TFIP11: variants seen among roughly 807,000 people sequenced by gnomAD.
TFIP11 encodes the protein tuftelin-interacting protein 11.
A neutral mutation model predicts 96.8 loss-of-function variants in TFIP11; 86 were observed. The ratio of observed to expected loss-of-function variants is 0.89; its 90% confidence interval spans 0.75 to 1.06. TFIP11 has a LOEUF of 1.06. Among genes scored for constraint, TFIP11 ranks in the 50% least tolerant of loss-of-function variants. TFIP11 has a pLI of 0.00. For synonymous variants in TFIP11, 405 were observed against 395.2 expected, an observed-to-expected ratio of 1.02 and a Z score of -0.29; for missense variants, 881 against 1,076.7, an observed-to-expected ratio of 0.82 and a Z score of 2.54.
In TFIP11 at chr22:26,499,530, T is replaced by G. The variant is rs112762859; in HGVS notation, c.903A>C (p.Gln301His). The change falls in exon 9 of 15, where the codon CAA becomes CAC. Residue 301 changes from glutamine (Q) to histidine (H), a missense_variant. Coordinates refer to ENST00000407690, the MANE Select transcript of TFIP11 (RefSeq NM_012143.4). Reference sequence around the variant, plus strand: ...CCTCTTTGCCAGACTGTGGCAGCTGTTGGGACTGTAGCGGCAGCCCATCAT... The same window carrying G: ...CCTCTTTGCCAGACTGTGGCAGCTGGTGGGACTGTAGCGGCAGCCCATCAT... ...VPDDGLPLQS[Q>H]QLPQSGKEAK... The G allele has an allele frequency of 9.3e-6, 15 of 1,614,222 alleles. No homozygotes were observed. The highest frequency in any genetic ancestry group is 1.2e-5 in the Non-Finnish European group (14 of 1,180,034).
chr22:26,501,864 G>A, intron 8 of TFIP11, 36 bp downstream of exon 8: 2 of 1,558,856 alleles, frequency 1.3e-6, no homozygotes, highest in Non-Finnish European at 1.7e-6. Context: ...TTTCTGGGGT[G>A]TGGATCCTGT....
At chr22:26,495,341 G>A (rs1270986372) in intron 12 of TFIP11, among the ~76,000 whole-genome samples, 1 of 116,230 alleles carries the variant, frequency 8.6e-6, no homozygotes, top group Non-Finnish European at 1.6e-5. Context: ...TGCAATGGCA[G>A]ATCTTGGCTC....
intron 10 of TFIP11, among the ~76,000 whole-genome samples, chr22:26,498,487 G>T (rs1332922761): frequency 2.0e-5 from 3 of 147,570 alleles, no homozygotes; most frequent in African/African-American, 7.6e-5. Flanking sequence ...CGGTTGCAGT[G>T]AGCTGCGATC....
Position 26,499,265 on chromosome 22 carries a change from CG to C in TFIP11, c.1167del (p.Asp390ThrfsTer43). ...MVEECERRMQ[P>X]DCSNPLTLDE... ...TCCAGGGTGAGGGGGTTGCTGCAGTCGGGCTGCATCCGCCGCTCGCACTCCT... is the reference window on the plus strand; with the variant it reads ...TCCAGGGTGAGGGGGTTGCTGCAGTCGGCTGCATCCGCCGCTCGCACTCCT... On this transcript the variant is annotated frameshift_variant, in exon 9 of 15. Coordinates refer to ENST00000407690, the MANE Select transcript of TFIP11 (RefSeq NM_012143.4). LOFTEE classifies it high-confidence loss of function. The C allele has an allele frequency of 6.2e-7, 1 of 1,613,736 alleles. No individual in the cohort carries two copies.
At chr22:26,509,230 T>C (rs1443575713) in intron 4 of TFIP11, among the ~76,000 whole-genome samples, 1 of 152,158 alleles carries the variant, frequency 6.6e-6, no homozygotes, top group Non-Finnish European at 1.5e-5. Context: ...GCCTTTCATA[T>C]CCTTGTGGAT....
In TFIP11 at chr22:26,510,088, T is replaced by C. The variant is rs367676623; in HGVS notation, c.185A>G (p.Glu62Gly). ...CCGTTTGCCTCCAAAGCTGGGCCTC[T>C]CATCATCCGAGTCTCGCTCTGCCCA... The part of the protein sequence containing the change: ...GVWAERDSDD[E>G]RPSFGGKRAR... The change falls in exon 4 of 15, where the codon GAG becomes GGG. Residue 62 changes from glutamate (E) to glycine (G), a missense_variant. Coordinates refer to ENST00000407690, the MANE Select transcript of TFIP11 (RefSeq NM_012143.4). The C allele has an allele frequency of 6.8e-6, 11 of 1,613,844 alleles. No individual in the cohort carries two copies. Among genetic ancestry groups the C allele is most frequent in the Non-Finnish European group, 8.5e-6 (10 of 1,180,032 alleles).
At position 26,496,724 on chromosome 22, in the gene TFIP11, C is replaced by A. The variant is rs751412902; in HGVS notation, c.1602G>T (p.Lys534Asn). The A allele has an allele frequency of 6.2e-7, 1 of 1,613,756 alleles. No individual in the cohort carries two copies. Among genetic ancestry groups the A allele is most frequent in the Non-Finnish European group, 8.5e-7 (1 of 1,179,784 alleles). The change falls in exon 11 of 15, where the codon AAG becomes AAT. Residue 534 changes from lysine (K) to asparagine (N), a missense_variant. Coordinates refer to ENST00000407690, the MANE Select transcript of TFIP11 (RefSeq NM_012143.4). ...TTTCCCATGACTCTCATCCCACCTC[C>A]TTTTGCAGCTTGGGGAAGATGAGTT... Reference protein sequence around the residue: ...LDQLIFPKLQKEVENWNPLTD... With the variant: ...LDQLIFPKLQNEVENWNPLTD...
At chr22:26,504,661 C>T (rs1923195207) in intron 6 of TFIP11, among the ~76,000 whole-genome samples, 1 of 152,048 alleles carries the variant, frequency 6.6e-6, no homozygotes, top group Non-Finnish European at 1.5e-5. Context: ...CAGAGTGAGA[C>T]TTTGTATCAA....
chr22:26,500,214 G>A (rs780699038), intron 8 of TFIP11, among the ~76,000 whole-genome samples: 5 of 152,164 alleles, frequency 3.3e-5, no homozygotes, highest in Middle Eastern at 3.4e-3. Flanking sequence ...CTGTTGCCCA[G>A]GCTGGAATGC....
At position 26,498,850 on chromosome 22, in the gene TFIP11, G is replaced by GC. The variant is rs1338047552; in HGVS notation, c.1436+18dup. 1.0e-5 allele frequency: 16 copies of GC among 1,603,360 alleles called. No homozygotes were observed. The highest frequency in any genetic ancestry group is 9.4e-5 in the African/African-American group (7 of 74,828). ...CAGGAGAAAGGAGCTGGGGTACAGA[G>GC]CCCTGCTCTGTGGTGTACCTGTGAA... On this transcript the variant is annotated intron_variant, in intron 10 of 14. Transcript: ENST00000407690.
Position 26,491,550 on chromosome 22 carries a change from G to A in TFIP11, c.*463C>T. The A allele has an allele frequency of 6.2e-7, 1 of 1,614,162 alleles. No homozygotes were observed. Among genetic ancestry groups the A allele is most frequent in the Non-Finnish European group, 8.5e-7 (1 of 1,180,004 alleles). ...TGATACCTCTGTCCACTGGTTCCCT[G>A]TGCAAAAGCTAGAACAGCTCTCCAT... On this transcript the variant is annotated 3_prime_UTR_variant, in exon 15 of 15. Transcript: ENST00000407690.
In TFIP11 at chr22:26,496,702, C is replaced by G; in HGVS notation, c.1605+19G>C. 3 of 1,611,440 alleles carry G rather than the reference C, an allele frequency of 1.9e-6. No homozygotes were observed. The highest frequency in any genetic ancestry group is 1.7e-6 in the Non-Finnish European group (2 of 1,177,776). ...CTGTGATTAGTGATGACGACTGTTT[C>G]CCATGACTCTCATCCCACCTCCTTT... is the stretch of plus-strand genomic sequence containing the variant. On this transcript the variant is annotated intron_variant, in intron 11 of 14. Transcript: ENST00000407690.
chr22:26,507,953 A>G (rs2147147884), intron 4 of TFIP11, among the ~76,000 whole-genome samples: 1 of 152,278 alleles, frequency 6.6e-6, no homozygotes, highest in East Asian at 1.9e-4. Flanking sequence ...TAAAAATACA[A>G]AAAACTAGCT....
intron 4 of TFIP11, among the ~76,000 whole-genome samples, chr22:26,508,449 T>G (rs916434250): frequency 3.9e-5 from 6 of 152,254 alleles, no homozygotes; most frequent in African/African-American, 1.2e-4. Flanking sequence ...TATTATCTTA[T>G]GATTATGCAA....
intron 3 of TFIP11, among the ~76,000 whole-genome samples, 157 bp downstream of exon 3, chr22:26,510,460 G>A (rs1288912079): frequency 2.0e-5 from 3 of 152,194 alleles, no homozygotes; most frequent in Admixed American, 2.0e-4. Context: ...ATAACAATCA[G>A]TACTAAAACA....
rs1468256651 is a variant in TFIP11 at position 26,506,932 on chromosome 22, T to C, written c.210-4A>G. The stretch of plus-strand genomic sequence containing the variant: ...TGGCGCAGAGTAGTCACGGGCCCTG[T>C]AGGCACAGAAACAAAGCCCCACCAG... On this transcript the variant is annotated splice_region_variant and splice_polypyrimidine_tract_variant and intron_variant, in intron 4 of 14. Coordinates refer to ENST00000407690, the MANE Select transcript of TFIP11 (RefSeq NM_012143.4). 4 of 1,613,424 alleles carry C rather than the reference T, an allele frequency of 2.5e-6. No homozygotes were observed. In the African/African-American group the frequency reaches 4.0e-5, roughly 16 times the overall value.
Position 26,494,832 on chromosome 22 carries a change from G to C in TFIP11, c.1957C>G (p.Leu653Val). ...TTGGGGAAGAAGTGCTTTTCAAGAA[G>C]TCCCACCAGGCTAGAGACAGAGATC... The part of the protein sequence containing the change: ...GMISVSSLVG[L>V]LEKHFFPKWL... Residue 653 changes from leucine (L) to valine (V), a missense_variant, in exon 13 of 15, where the codon CTT (leucine) becomes GTT (valine). Leu to Val is a conservative substitution (Grantham distance 32, BLOSUM62 1). Coordinates refer to ENST00000407690, the MANE Select transcript of TFIP11 (RefSeq NM_012143.4). 3 of 1,614,168 alleles carry C rather than the reference G, an allele frequency of 1.9e-6. No homozygotes were observed. Among genetic ancestry groups the C allele is most frequent in the Non-Finnish European group, 2.5e-6 (3 of 1,180,032 alleles).
At chr22:26,497,872 C>T (rs1208420904) in intron 10 of TFIP11, among the ~76,000 whole-genome samples, 1 of 92,056 alleles carries the variant, frequency 1.1e-5, no homozygotes, top group Non-Finnish European at 2.2e-5. Flanking sequence ...AAGACTTCAT[C>T]TCAAAAAAAA....
At chr22:26,506,541 T>C (rs1252339479) in intron 5 of TFIP11, 82 bp from the exon 6 acceptor site, 2 of 1,513,550 alleles carry the variant, frequency 1.3e-6, no homozygotes, top group Non-Finnish European at 1.8e-6. Context: ...AACAGGAAAA[T>C]GGCCTAAGTT....
Sources: allele counts gnomAD v4.1 joint callset (sites outside exome capture counted in the v4.1 genomes callset), GRCh38; gene constraint gnomAD v4.1.1; transcripts MANE v1.5; gene names NCBI Gene and HGNC (gene_info 2026-07-23, HGNC 2026-07-21).